ZPLD1: variants seen among roughly 807,000 people sequenced by gnomAD.
ZPLD1 encodes zona pellucida-like domain-containing protein 1.
Under a neutral mutation model 47.2 loss-of-function variants are expected in ZPLD1, and 34 were observed. That is an observed-to-expected ratio of 0.72 (90% CI 0.55 to 0.96). The LOEUF is 0.96. Ranked by LOEUF, ZPLD1 falls within the 40% of genes least tolerant of loss-of-function variation. The pLI, the probability that ZPLD1 is intolerant of heterozygous loss-of-function variation, is 0.00. For synonymous variants in ZPLD1, 176 were observed against 186.2 expected (o/e 0.95, Z 0.45); for missense variants, 512 against 505.8 (o/e 1.01, Z -0.12).
intron 7 of ZPLD1, among the ~76,000 whole-genome samples, chr3:102,401,097 A>T (rs888412009): frequency 1.3e-5 from 2 of 152,092 alleles, no homozygotes; most frequent in Non-Finnish European, 2.9e-5. Flanking sequence ...AACAAGGTGT[A>T]GCCCTGAAGG....
Position 102,478,445 on chromosome 3 carries a change from A to T in ZPLD1, c.*827A>T, listed in dbSNP as rs1243939555. On this transcript the variant is annotated 3_prime_UTR_variant, in exon 12 of 12. Coordinates refer to ENST00000466937, the MANE Select transcript of ZPLD1 (RefSeq NM_001329788.2). ...TGCAAAGATTATTTTTAATTCAAGA[A>T]TCATCACATGTGAAAACAAGCTGTA... 1.8e-5 allele frequency: 1 copy of T among 55,454 alleles called. No homozygotes were observed. The highest frequency in any genetic ancestry group is 5.3e-5 in the Non-Finnish European group (1 of 18,780). The allele number at this position is 55,454 out of a possible 1,614,324, so 3.4% of individuals were successfully genotyped here. A position where few individuals can be genotyped will look rare whatever the true frequency, so the allele number is the denominator to read the frequency against.
intron 10 of ZPLD1, among the ~76,000 whole-genome samples, chr3:102,476,244 AT>A: frequency 6.6e-6 from 1 of 151,900 alleles, no homozygotes; most frequent in African/African-American, 2.4e-5. Context: ...AAACACAAAT[AT>A]TAAAACACAA....
upstream of ZPLD1, among the ~76,000 whole-genome samples, chr3:102,433,591 G>C (rs1224343439): frequency 6.6e-6 from 1 of 152,194 alleles, no homozygotes; most frequent in African/African-American, 2.4e-5. Flanking sequence ...GCAGTGGCGT[G>C]ATCTCGGCTC....
intron 3 of ZPLD1, among the ~76,000 whole-genome samples, chr3:102,441,668 A>G (rs1707179433): frequency 6.6e-6 from 1 of 152,182 alleles, no homozygotes; most frequent in African/African-American, 2.4e-5. Context: ...GATTCACATC[A>G]CAGGTAATCA....
chr3:102,438,133 C>G (rs575033125), intron 2 of ZPLD1, among the ~76,000 whole-genome samples: 1 of 152,224 alleles, frequency 6.6e-6, no homozygotes, highest in Admixed American at 6.5e-5. Flanking sequence ...ATTAGTCTGC[C>G]TAGTTATGCT....
chr3:102,403,469 T>C (rs1706647268), intron 7 of ZPLD1, among the ~76,000 whole-genome samples: 1 of 151,992 alleles, frequency 6.6e-6, no homozygotes. Flanking sequence ...TGGAAGAATC[T>C]TCAGTCCCAT....
chr3:102,478,752 A>AG lies in ZPLD1; in HGVS notation c.*1135dup, dbSNP rs1707796611. 1 of 152,148 alleles carries AG rather than the reference A, an allele frequency of 6.6e-6. No individual in the cohort carries two copies. The highest frequency in any genetic ancestry group is 1.5e-5 in the Non-Finnish European group (1 of 68,028). 9.4% of individuals were successfully genotyped at this position (152,148 alleles called of 1,614,324 possible). On this transcript the variant is annotated 3_prime_UTR_variant, in exon 12 of 12. Coordinates refer to ENST00000466937, the MANE Select transcript of ZPLD1 (RefSeq NM_001329788.2). ...CCTTTATCAGTTTTGCAAAAAAGCA[A>AG]GCTTTAAGCAGCCCATGTTCTTACA...
intron 3 of ZPLD1, among the ~76,000 whole-genome samples, chr3:102,439,604 A>G (rs1264624292): frequency 1.3e-5 from 2 of 152,232 alleles, no homozygotes; most frequent in Non-Finnish European, 2.9e-5. Flanking sequence ...AACTTCAAAC[A>G]TACAAAAGTA....
intron 11 of ZPLD1, 137 bp from the exon 12 acceptor site, chr3:102,477,306 T>C (rs1707772738): frequency 9.5e-7 from 1 of 1,049,872 alleles, no homozygotes; most frequent in Non-Finnish European, 1.4e-6. Context: ...TACAGTCAAA[T>C]AGATTGTAAC....
At chr3:102,469,423 G>T (rs1707648456) in intron 9 of ZPLD1, among the ~76,000 whole-genome samples, 1 of 152,174 alleles carries the variant, frequency 6.6e-6, no homozygotes, top group African/African-American at 2.4e-5. Flanking sequence ...ATCTTATGGT[G>T]CAAAGGCAGA....
chr3:102,424,598 G>A (rs937734404), intron 8 of ZPLD1, among the ~76,000 whole-genome samples: 3 of 152,138 alleles, frequency 2.0e-5, no homozygotes, highest in African/African-American at 7.2e-5. Flanking sequence ...TGGGTGGGGA[G>A]ATTCGGCCCA....
chr3:102,457,901 G>C, intron 6 of ZPLD1, 48 bp downstream of exon 6: 1 of 1,579,798 alleles, frequency 6.3e-7, no homozygotes, highest in East Asian at 2.2e-5. Flanking sequence ...CTGTTGTGAG[G>C]AGTCATTTAT....
intron 7 of ZPLD1, among the ~76,000 whole-genome samples, chr3:102,398,243 T>C (rs191394187): frequency 6.6e-6 from 1 of 152,204 alleles, no homozygotes; most frequent in East Asian, 1.9e-4. Context: ...ATTTATCTAG[T>C]GGGTTGCAGC....
At chr3:102,403,793 G>A (rs573701586) in intron 7 of ZPLD1, among the ~76,000 whole-genome samples, 129 of 152,068 alleles carry the variant, frequency 8.5e-4, no homozygotes, top group African/African-American at 2.9e-3. Context: ...GTGAGTAACA[G>A]GCGGTGTGAA....
intron 6 of ZPLD1, among the ~76,000 whole-genome samples, chr3:102,388,686 G>T (rs1306084092): frequency 2.0e-5 from 3 of 152,028 alleles, no homozygotes. Context: ...TAAAAATAAA[G>T]CAATATTAAG....
Position 102,470,574 on chromosome 3 carries a change from G to A in ZPLD1, c.1042+72G>A. 7.2e-6 allele frequency: 9 copies of A among 1,249,004 alleles called. No individual in the cohort carries two copies. In the South Asian group the frequency reaches 1.1e-4, roughly 16 times the overall value. The allele number at this position is 1,249,004 out of a possible 1,614,324, so 77.4% of individuals were successfully genotyped here. ...TGCCTCGTTACTTGGCTTCTAACGA[G>A]AACTCAAAGTGGTTCCTAAACAGCA... is the stretch of plus-strand genomic sequence containing the variant. On this transcript the variant is annotated intron_variant, in intron 10 of 11. Transcript: ENST00000466937.
chr3:102,422,549 G>A (rs1033487478), intron 8 of ZPLD1, among the ~76,000 whole-genome samples: 2 of 152,052 alleles, frequency 1.3e-5, no homozygotes, highest in African/African-American at 4.8e-5. Flanking sequence ...AGAAGAAGTA[G>A]TGAATTCTAT....
At position 102,467,605 on chromosome 3, in the gene ZPLD1, C is replaced by T. The variant is rs563283819; in HGVS notation, c.762-1359C>T. On this transcript the variant is annotated intron_variant, in intron 8 of 11. Coordinates refer to ENST00000466937, the MANE Select transcript of ZPLD1 (RefSeq NM_001329788.2). ...GTAGATTTTTTAAAACAGTGTTGGA[C>T]ATGGATAACAGTAAGATAAAAAATA... 2.6e-5 allele frequency among the ~76,000 whole-genome samples: 4 copies of T among 152,048 alleles called. No homozygotes were observed. In the East Asian group the frequency reaches 7.7e-4, roughly 29 times the overall value.
chr3:102,410,928 C>T (rs1041681540), intron 7 of ZPLD1, among the ~76,000 whole-genome samples: 3 of 151,704 alleles, frequency 2.0e-5, no homozygotes, highest in Non-Finnish European at 4.4e-5. Context: ...GTTCACCTTC[C>T]AAAATATTTA....
Sources: allele counts gnomAD v4.1 joint callset (sites outside exome capture counted in the v4.1 genomes callset), GRCh38; gene constraint gnomAD v4.1.1; transcripts MANE v1.5; gene names NCBI Gene and HGNC (gene_info 2026-07-23, HGNC 2026-07-21).